Variants in MOGS observed in about 807,000 individuals in gnomAD.
MOGS encodes epididymis secretory sperm binding protein.
In MOGS, 45 loss-of-function variants were observed where a neutral mutation model predicts 68.5. That is an observed-to-expected ratio of 0.66 (90% CI 0.52 to 0.84). The LOEUF (loss-of-function observed/expected upper bound fraction) is 0.84. MOGS is among the 40% of genes least tolerant of loss of function. MOGS has a pLI of 0.00. For synonymous variants in MOGS, 492 were observed against 461.2 expected (o/e 1.07, Z -0.86); for missense variants, 1,020 against 1,095.0 (o/e 0.93, Z 0.97).
In MOGS at chr2:74,461,308, G is replaced by A; in HGVS notation, c.2481C>T (p.Ser827=). 6.2e-7 allele frequency: 1 copy of A among 1,614,094 alleles called. No homozygotes were observed. The highest frequency in any genetic ancestry group is 8.5e-7 in the Non-Finnish European group (1 of 1,180,046). Residue 827 remains serine (S), a synonymous_variant, in exon 4 of 4, where the codon AGC becomes AGT. Coordinates refer to ENST00000448666, the MANE Select transcript of MOGS (RefSeq NM_006302.3). The part of the protein sequence containing the change: ...MGCRPFHGWT[S]LVLLAMAEDY ...CTTCAGCCATGGCCAGTAAGACAAG[G>A]CTGGTCCAGCCGTGGAAAGGGCGGC... is the stretch of plus-strand genomic sequence containing the variant.
In MOGS at chr2:74,464,651, C is replaced by T. The variant is rs1672014883; in HGVS notation, c.424G>A (p.Gly142Ser). ...KLRHTCEQGD[G>S]VGPYGWEFHD... ...AACTCCCAGCCATAGGGACCCACAC[C>T]GTCCCCCTGCTCACACGTGTGCCTG... Residue 142 changes from glycine (G) to serine (S), a missense_variant, in exon 2 of 4, where the codon GGT (glycine) becomes AGT (serine). Coordinates refer to ENST00000448666, the MANE Select transcript of MOGS (RefSeq NM_006302.3). 4.3e-6 allele frequency: 7 copies of T among 1,614,100 alleles called. No homozygotes were observed. The highest frequency in any genetic ancestry group is 5.9e-6 in the Non-Finnish European group (7 of 1,180,036).
chr2:74,463,590 T>C (rs1168639769), intron 2 of MOGS: 2 of 596,836 alleles, frequency 3.4e-6, no homozygotes, highest in Non-Finnish European at 6.0e-6. Flanking sequence ...CTGGGTGCCC[T>C]GGGAGATAAC....
chr2:74,462,998 C>G lies in MOGS; in HGVS notation c.791G>C (p.Trp264Ser). The G allele has an allele frequency of 6.2e-7, 1 of 1,614,038 alleles. No homozygotes were observed. The change falls in exon 4 of 4, where the codon TGG becomes TCG. Residue 264 changes from tryptophan (W) to serine (S), a missense_variant. Around this residue, in one of 3 missense-constraint regions of MOGS, gnomAD observed 569 missense variants for 571.9 expected, o/e 0.99. Transcript: ENST00000448666. ...APKYGSYNVFWTSNPGLPLLT... is the reference protein window; with the variant it reads ...APKYGSYNVFSTSNPGLPLLT... ...CAGGGGCAGTCCTGGGTTGGAGGTC[C>G]AGAAGACATTGTAGCTTGAAGGGGA...
At position 74,465,035 on chromosome 2, in the gene MOGS, C is replaced by T; in HGVS notation, c.213G>A (p.Ala71=). The T allele has an allele frequency of 6.4e-7, 1 of 1,553,774 alleles. No individual in the cohort carries two copies. The highest frequency in any genetic ancestry group is 8.7e-7 in the Non-Finnish European group (1 of 1,149,388). ...CAGGAGGCGCGGAGTGCAGCGTGACCGCCCGCCGCGCACGGTACCACGCCA... is the reference window on the plus strand; with the variant it reads ...CAGGAGGCGCGGAGTGCAGCGTGACTGCCCGCCGCGCACGGTACCACGCCA... ...WVLAWYRARR[A]VTLHSAPPVL... The change falls in exon 1 of 4, where the codon GCG becomes GCA. Residue 71 remains alanine (A), a synonymous_variant. Transcript: ENST00000448666.
rs1458317779 is a variant in MOGS at position 74,463,382 on chromosome 2, G to T, written c.584C>A (p.Ser195Ter). 3 of 1,614,024 alleles carry T rather than the reference G, an allele frequency of 1.9e-6. No homozygotes were observed. ...SWRVTVEPQDSGTSALPLVSL... is the reference protein window; with the variant it reads ...SWRVTVEPQD ...GACCAAAGGGAGGGCAGAAGTACCT[G>T]AGTCCTGAGTGACCAACGAGGACAG... The change falls in exon 3 of 4, where the codon TCA becomes TAA. Residue 195 changes from serine to a stop codon, truncating the protein, a stop_gained. Coordinates refer to ENST00000448666, the MANE Select transcript of MOGS (RefSeq NM_006302.3). LOFTEE classifies it high-confidence loss of function.
intron 2 of MOGS, 200 bp downstream of exon 2, chr2:74,464,296 T>G (rs2103983728): frequency 1.7e-6 from 1 of 596,942 alleles, no homozygotes; most frequent in East Asian, 2.8e-5. Flanking sequence ...GTGAGTTAAG[T>G]GCTATTATTA....
Position 74,463,212 on chromosome 2 carries a change from C to G in MOGS, c.754G>C (p.Asp252His). 2 of 1,614,176 alleles carry G rather than the reference C, an allele frequency of 1.2e-6. No homozygotes were observed. Among genetic ancestry groups the G allele is most frequent in the Non-Finnish European group, 1.7e-6 (2 of 1,180,016 alleles). The change falls in exon 3 of 4, where the codon GAT becomes CAT. Residue 252 changes from aspartate to histidine, a missense_variant. By Grantham distance (81) the Asp-to-His change is moderately conservative. Transcript: ENST00000448666. ...TACCTGCCATACTTGGGGGCTGTAT[C>G]CCCTGGACTGGTTGGTGGCAAAAGT... ...FTLLPPTSPG[D>H]TAPKYGSYNV... is the part of the protein sequence containing the mutation.
At position 74,462,427 on chromosome 2, in the gene MOGS, A is replaced by G. The variant is rs2103979047; in HGVS notation, c.1362T>C (p.Phe454=). 6.2e-7 allele frequency: 1 copy of G among 1,613,488 alleles called. No homozygotes were observed. The highest frequency in any genetic ancestry group is 2.2e-5 in the East Asian group (1 of 44,870). Residue 454 remains phenylalanine, a synonymous_variant, in exon 4 of 4, where the codon TTT becomes TTC. Coordinates refer to ENST00000448666, the MANE Select transcript of MOGS (RefSeq NM_006302.3). The part of the protein sequence containing the change: ...FPRGFLWDEG[F]HQLVVQRWDP... ...CCCACCGCTGAACCACCAGCTGGTG[A>G]AAGCCTTCATCCCAAAGGAAGCCTC...
Position 74,464,686 on chromosome 2 carries a change from G to C in MOGS, c.389C>G (p.Thr130Ser), listed in dbSNP as rs779573269. 1 of 1,613,666 alleles carries C rather than the reference G, an allele frequency of 6.2e-7. No individual in the cohort carries two copies. The highest frequency in any genetic ancestry group is 1.1e-5 in the South Asian group (1 of 91,080). Residue 130 changes from threonine (T) to serine (S), a missense_variant, in exon 2 of 4, where the codon ACT (threonine) becomes AGT (serine). By Grantham distance (58) the Thr-to-Ser change is moderately conservative (BLOSUM62 1). Coordinates refer to ENST00000448666, the MANE Select transcript of MOGS (RefSeq NM_006302.3). ...CTCACACGTGTGCCTGAGCTTAGGA[G>C]TCCCCGGGGTGGTGCCCTGCTGCGC... ...MWAQQGTTPG[T>S]PKLRHTCEQG...
chr2:74,463,336 C>T lies in MOGS; in HGVS notation c.630G>A (p.Val210=), dbSNP rs1326375038. The T allele has an allele frequency of 6.2e-7, 1 of 1,614,194 alleles. No individual in the cohort carries two copies. The highest frequency in any genetic ancestry group is 2.2e-5 in the East Asian group (1 of 44,890). ...LPLVSLFFYV[V]TDGKEVLLPE... ...GTAGTAGGACTTCCTTGCCATCTGT[C>T]ACCACATAGAAGAACAGGGAGACCA... Residue 210 remains valine (V), a synonymous_variant, in exon 3 of 4, where the codon GTG becomes GTA. Transcript: ENST00000448666.
chr2:74,462,283 G>A lies in MOGS; in HGVS notation c.1506C>T (p.Phe502=). 6.2e-7 allele frequency: 1 copy of A among 1,613,890 alleles called. No homozygotes were observed. Among genetic ancestry groups the A allele is most frequent in the Non-Finnish European group, 8.5e-7 (1 of 1,180,024 alleles). The change falls in exon 4 of 4, where the codon TTC becomes TTT. Residue 502 remains phenylalanine, a synonymous_variant. Coordinates refer to ENST00000448666, the MANE Select transcript of MOGS (RefSeq NM_006302.3). ...TGGCGTGGACTGCTCGTTGTACTAG[G>A]AATTCTGGAGGCACCCGGGCTCGGG... is the stretch of plus-strand genomic sequence containing the variant. The part of the protein sequence containing the change: ...DEARARVPPE[F]LVQRAVHANP...
In MOGS at chr2:74,462,845, C is replaced by T; in HGVS notation, c.944G>A (p.Gly315Glu). Reference sequence around the variant, plus strand: ...CTGCTGTATCAAGAACTGCCCCTGCCCTTGCCCACTTGGACCTCTGTCCTC... The same window carrying T: ...CTGCTGTATCAAGAACTGCCCCTGCTCTTGCCCACTTGGACCTCTGTCCTC... The part of the protein sequence containing the change: ...KWEDRGPSGQ[G>E]QGQFLIQQVT... Residue 315 changes from glycine (G) to glutamate (E), a missense_variant, in exon 4 of 4, where the codon GGG (glycine) becomes GAG (glutamate). Physicochemically the swap from Gly to Glu is moderately conservative, Grantham distance 98. Around this residue, in one of 3 missense-constraint regions of MOGS, gnomAD observed 569 missense variants for 571.9 expected, o/e 0.99. Transcript: ENST00000448666. 6.2e-7 allele frequency: 1 copy of T among 1,614,190 alleles called. No individual in the cohort carries two copies. The highest frequency in any genetic ancestry group is 8.5e-7 in the Non-Finnish European group (1 of 1,180,052).
chr2:74,465,112 G>C lies in MOGS; in HGVS notation c.136C>G (p.Leu46Val). 6.5e-7 allele frequency: 1 copy of C among 1,544,550 alleles called. No homozygotes were observed. Among genetic ancestry groups the C allele is most frequent in the Non-Finnish European group, 8.7e-7 (1 of 1,148,884 alleles). ...GCCAAAGACAGGACCACGACGGCCA[G>C]AGCCACTCCTCCAGCCGTGCTACGC... ...GPRSTAGGVA[L>V]AVVVLSLALG... The change falls in exon 1 of 4, where the codon CTG (leucine) becomes GTG (valine). Residue 46 changes from leucine to valine, a missense_variant. This residue lies in a region of MOGS where 569 missense variants were observed against 571.9 expected (regional missense o/e 0.99). Transcript: ENST00000448666.
chr2:74,461,693 A>G lies in MOGS; in HGVS notation c.2096T>C (p.Leu699Pro). Residue 699 changes from leucine (L) to proline (P), a missense_variant, in exon 4 of 4, where the codon CTG becomes CCG. Coordinates refer to ENST00000448666, the MANE Select transcript of MOGS (RefSeq NM_006302.3). ...LGYVSLFPLL[L>P]RLLDPTSSRL... is the part of the protein sequence containing the mutation. ...GGATGAGGTGGGGTCCAGCAGTCGC[A>G]GCAGCAAGGGAAAAAGACTGACATA... 6.2e-7 allele frequency: 1 copy of G among 1,614,242 alleles called. No individual in the cohort carries two copies. Among genetic ancestry groups the G allele is most frequent in the Non-Finnish European group, 8.5e-7 (1 of 1,180,046 alleles).
At chr2:74,464,458 G>A (rs1672008905) in intron 2 of MOGS, 38 bp downstream of exon 2, 1 of 1,596,316 alleles carries the variant, frequency 6.3e-7, no homozygotes, top group Middle Eastern at 1.8e-4. Flanking sequence ...AGGATGGAGG[G>A]GGTCTGGGCT....
Position 74,461,200 on chromosome 2 carries a change from G to A in MOGS, c.*75C>T. 3.2e-6 allele frequency: 5 copies of A among 1,578,514 alleles called. No individual in the cohort carries two copies. In the South Asian group the frequency reaches 5.6e-5, roughly 18 times the overall value. On this transcript the variant is annotated 3_prime_UTR_variant, in exon 4 of 4. Transcript: ENST00000448666. ...AATTACTGGTATCCAAGGGGCTGGGGGCAAAAGCCAGAAGCCTTTGTCCCT... is the reference window on the plus strand; with the variant it reads ...AATTACTGGTATCCAAGGGGCTGGGAGCAAAAGCCAGAAGCCTTTGTCCCT...
rs762281762 is a variant in MOGS, at chr2:74,463,003, G to T, written c.786C>A (p.Val262=). The T allele has an allele frequency of 1.4e-5, 22 of 1,613,950 alleles. No homozygotes were observed. The highest frequency in any genetic ancestry group is 1.8e-5 in the Non-Finnish European group (21 of 1,180,050). The part of the protein sequence containing the change: ...DTAPKYGSYN[V]FWTSNPGLPL... The stretch of plus-strand genomic sequence containing the variant: ...GCAGTCCTGGGTTGGAGGTCCAGAA[G>T]ACATTGTAGCTTGAAGGGGAGAAGA... The change falls in exon 4 of 4, where the codon GTC becomes GTA. Residue 262 remains valine (V), a synonymous_variant. Transcript: ENST00000448666.
In MOGS at chr2:74,465,159, C is replaced by T. The variant is rs1257979415; in HGVS notation, c.89G>A (p.Arg30Gln). The T allele has an allele frequency of 7.2e-6, 11 of 1,531,404 alleles. No individual in the cohort carries two copies. Among genetic ancestry groups the T allele is most frequent in the African/African-American group, 2.8e-5 (2 of 71,660 alleles). The allele number at this position is 1,531,404 out of a possible 1,614,324, so 94.9% of individuals were successfully genotyped here. A position where few individuals can be genotyped will look rare whatever the true frequency, so the allele number is the denominator to read the frequency against. Residue 30 changes from arginine to glutamine, a missense_variant, in exon 1 of 4, where the codon CGG (arginine) becomes CAG (glutamine). By Grantham distance (43) the Arg-to-Gln change is conservative (BLOSUM62 1). Coordinates refer to ENST00000448666, the MANE Select transcript of MOGS (RefSeq NM_006302.3). ...ERAARGGPGR[R>Q]DGRGGGPRST... ...ACGCGGCCCGCCGCCCCGGCCGTCC[C>T]GTCGCCCGGGGCCTCCCCGAGCCGC...
Position 74,461,369 on chromosome 2 carries a change from T to A in MOGS, c.2420A>T (p.Glu807Val). The change falls in exon 4 of 4, where the codon GAG becomes GTG. Residue 807 changes from glutamate (E) to valine (V), a missense_variant. Coordinates refer to ENST00000448666, the MANE Select transcript of MOGS (RefSeq NM_006302.3). Reference protein sequence around the residue: ...RQYQATGFLWEQYSDRDGRGM... With the variant: ...RQYQATGFLWVQYSDRDGRGM... ...TCGCCCATCGCGGTCACTGTACTGC[T>A]CCCAAAGAAAGCCTGTAGCCTGGTA... is the stretch of plus-strand genomic sequence containing the variant. 6.2e-7 allele frequency: 1 copy of A among 1,614,122 alleles called. No individual in the cohort carries two copies. Among genetic ancestry groups the A allele is most frequent in the Non-Finnish European group, 8.5e-7 (1 of 1,180,038 alleles).
Sources: allele counts gnomAD v4.1 joint callset, GRCh38; gene constraint gnomAD v4.1.1; regional missense constraint gnomAD v4.1.1; transcripts MANE v1.5; gene names NCBI Gene and HGNC (gene_info 2026-07-23, HGNC 2026-07-21).